GPC6: variants seen among roughly 807,000 people sequenced by gnomAD.
GPC6 encodes glypican-6.
Under a neutral mutation model 55.2 loss-of-function variants are expected in GPC6, and 14 were observed. The ratio of observed to expected loss-of-function variants is 0.25; its 90% CI spans 0.17 to 0.40. The LOEUF (loss-of-function observed/expected upper bound fraction) is 0.40, where lower values mean the gene tolerates loss of function less well. Among genes scored for constraint, GPC6 ranks in the 10% least tolerant of loss-of-function variants. GPC6 has a pLI of 1.00. For synonymous variants in GPC6, 278 were observed against 259.6 expected (o/e 1.07, Z -0.68); for missense variants, 641 against 708.5 (o/e 0.90, Z 1.08).
At chr13:94,231,416 G>A (rs922138392) in intron 4 of GPC6, among the ~76,000 whole-genome samples, 10 of 152,150 alleles carry the variant, frequency 6.6e-5, no homozygotes, top group East Asian at 1.9e-4. Flanking sequence ...TTGGCAGTCC[G>A]TGTCATCGCC....
chr13:93,307,715 AACTTTTATAATAAT>A (rs1196606868), intron 1 of GPC6, among the ~76,000 whole-genome samples: 2 of 152,132 alleles, frequency 1.3e-5, no homozygotes, highest in African/African-American at 2.4e-5. Flanking sequence ...GTGTATGATA[AACTTTTATAATAAT>A]ACTTATTTTT....
intron 6 of GPC6, among the ~76,000 whole-genome samples, chr13:94,335,496 T>A (rs1877636580): frequency 2.0e-5 from 3 of 152,166 alleles, no homozygotes; most frequent in Admixed American, 1.3e-4. Context: ...ATTTGTTCCT[T>A]AGACAATCTG....
At chr13:94,155,619 A>G (rs1887904660) in intron 4 of GPC6, among the ~76,000 whole-genome samples, 1 of 152,146 alleles carries the variant, frequency 6.6e-6, no homozygotes, top group East Asian at 1.9e-4. Context: ...TGGGGCAGCA[A>G]TACAGGTCAG....
In GPC6 at chr13:93,248,680, AG is replaced by A. The variant is rs1876687547; in HGVS notation, c.160+21065del. 3.3e-5 allele frequency among the ~76,000 whole-genome samples: 5 copies of A among 152,264 alleles called. 1 individual carries two copies. The South Asian group carries it at 1.0e-3, about 32-fold the overall frequency. On this transcript the variant is annotated intron_variant, in intron 1 of 8. Coordinates refer to ENST00000377047, the MANE Select transcript of GPC6 (RefSeq NM_005708.5). Reference sequence around the variant, plus strand: ...TCATTACCTCCCGGGCACTGCTGGGAGCCGCTGCCTGAAACTTCTGGAAGGT... The same window carrying A: ...TCATTACCTCCCGGGCACTGCTGGGACCGCTGCCTGAAACTTCTGGAAGGT...
intron 2 of GPC6, among the ~76,000 whole-genome samples, chr13:93,582,315 G>A (rs1876976792): frequency 1.3e-5 from 2 of 152,130 alleles, no homozygotes; most frequent in East Asian, 1.9e-4. Context: ...GTAAAAATTG[G>A]AAGAAAGAAA....
intron 4 of GPC6, among the ~76,000 whole-genome samples, chr13:94,065,418 TCA>T: frequency 6.6e-6 from 1 of 152,270 alleles, no homozygotes. Context: ...GTTTGATGGC[TCA>T]GTGGGAGGTC....
intron 1 of GPC6, among the ~76,000 whole-genome samples, chr13:93,439,121 T>C (rs1480658315): frequency 1.3e-5 from 2 of 152,200 alleles, no homozygotes; most frequent in African/African-American, 4.8e-5. Context: ...GACTACAGAA[T>C]ATTATAAACA....
chr13:93,440,375 A>T (rs780768994), intron 1 of GPC6, among the ~76,000 whole-genome samples: 7 of 152,292 alleles, frequency 4.6e-5, no homozygotes, highest in Non-Finnish European at 7.4e-5. Context: ...GATGGTTTTC[A>T]TCTGTGGGTT....
chr13:93,875,579 G>A (rs1889267730), intron 3 of GPC6, among the ~76,000 whole-genome samples: 1 of 152,064 alleles, frequency 6.6e-6, no homozygotes, highest in African/African-American at 2.4e-5. Context: ...AAGGGAATGT[G>A]TCTTTCTTGT....
rs551979154 is a variant in GPC6, at chr13:93,676,184, CACACACAT to C, written c.319+130765_319+130772del. Among the ~76,000 whole-genome samples, 85 of 78,900 alleles carry C rather than the reference CACACACAT, an allele frequency of 1.1e-3. 1 individual carries two copies. Among genetic ancestry groups the C allele is most frequent in the South Asian group, 4.9e-3 (12 of 2,452 alleles). 51.8% of individuals were successfully genotyped at this position (78,900 alleles called of 152,430 possible). A position where few individuals can be genotyped will look rare whatever the true frequency, so the allele number is the denominator to read the frequency against. ...ATATATATATACATACACACACACA[CACACACAT>C]ATATATGTATGTATGTATATGTGTA... On this transcript the variant is annotated intron_variant, in intron 2 of 8. Transcript: ENST00000377047.
chr13:93,307,039 T>C (rs1384124535), intron 1 of GPC6, among the ~76,000 whole-genome samples: 2 of 152,134 alleles, frequency 1.3e-5, no homozygotes, highest in African/African-American at 4.8e-5. Flanking sequence ...TGAATTTTTA[T>C]TTTTTTATTT....
chr13:93,877,324 A>T (rs538506658), intron 3 of GPC6, among the ~76,000 whole-genome samples: 1 of 152,154 alleles, frequency 6.6e-6, no homozygotes, highest in East Asian at 1.9e-4. Context: ...AAAGTCATGT[A>T]CCTAGAACAT....
upstream of GPC6, among the ~76,000 whole-genome samples, chr13:93,222,724 A>G (rs1368458339): frequency 6.6e-6 from 1 of 152,122 alleles, no homozygotes; most frequent in Non-Finnish European, 1.5e-5. Context: ...CTTATTATTC[A>G]TTGAGTTTGG....
At position 94,069,892 on chromosome 13, in the gene GPC6, T is replaced by A. The variant is rs187844580; in HGVS notation, c.877+41998T>A. Among the ~76,000 whole-genome samples the A allele has an allele frequency of 3.3e-3, 504 of 152,340 alleles. 2 individuals are homozygous for A. The highest frequency in any genetic ancestry group is 6.9e-3 in the Admixed American group (106 of 15,306). The stretch of plus-strand genomic sequence containing the variant: ...AGTTCCAAACTTTCCCACGTTTTTC[T>A]GTCTTCTTCTCAGCCCTCCAAACTG... On this transcript the variant is annotated intron_variant, in intron 4 of 8. Transcript: ENST00000377047.
At chr13:94,150,210 A>C (rs771207171) in intron 4 of GPC6, among the ~76,000 whole-genome samples, 2 of 151,978 alleles carry the variant, frequency 1.3e-5, no homozygotes, top group African/African-American at 4.8e-5. Flanking sequence ...CCAGTCAATC[A>C]TGTTTCCTTA....
chr13:93,676,140 T>C (rs1394949178), intron 2 of GPC6, among the ~76,000 whole-genome samples: 1 of 9,034 alleles, frequency 1.1e-4, no homozygotes, highest in Non-Finnish European at 8.8e-4. Context: ...TATATATATA[T>C]ATATATATAT....
chr13:93,313,975 A>T (rs567369028), intron 1 of GPC6, among the ~76,000 whole-genome samples: 1 of 152,266 alleles, frequency 6.6e-6, no homozygotes, highest in Non-Finnish European at 1.5e-5. Flanking sequence ...CTAGGATGAC[A>T]TTGTAGGTAT....
intron 4 of GPC6, among the ~76,000 whole-genome samples, chr13:94,245,278 G>T (rs1005057748): frequency 5.3e-5 from 8 of 151,832 alleles, no homozygotes; most frequent in African/African-American, 9.7e-5. Context: ...AGATCATGCA[G>T]CCTGGTGTGG....
At chr13:93,727,735 C>T in intron 2 of GPC6, among the ~76,000 whole-genome samples, 1 of 152,286 alleles carries the variant, frequency 6.6e-6, no homozygotes, top group East Asian at 1.9e-4. Flanking sequence ...GGCCAGTTTG[C>T]CAACCCTGTT....
Sources: gnomAD v4.1 joint callset for allele counts (sites outside exome capture counted in the v4.1 genomes callset) on GRCh38, gnomAD v4.1.1 for gene constraint, MANE v1.5 for transcripts, NCBI Gene and HGNC (gene_info 2026-07-23, HGNC 2026-07-21) for gene names.